Variants in ZNF331 observed in about 807,000 individuals in gnomAD.
ZNF331 encodes zinc finger protein 331, also known as C2H2-like zinc finger protein rearranged in thyroid adenomas.
ZNF331 carries 2 observed loss-of-function variants against 7.0 expected under a neutral mutation model. The ratio of observed to expected loss-of-function variants is 0.29; its 90% CI spans 0.12 to 0.90. The LOEUF (loss-of-function observed/expected upper bound fraction) is 0.90. ZNF331 is among the 40% of genes least tolerant of loss of function. The pLI is 0.58. For missense variants in ZNF331, 432 were observed against 587.7 expected (o/e 0.74, Z 2.74); for synonymous variants, 196 against 205.4 (o/e 0.95, Z 0.39).
chr19:53,522,154 GT>G (rs1555748428), intron 1 of ZNF331: 1 of 151,970 alleles, frequency 6.6e-6, no homozygotes, highest in Non-Finnish European at 1.5e-5. Context: ...AGTTCCTAGA[GT>G]TTTCCAGCAT....
chr19:53,578,004 A>G lies in ZNF331; in HGVS notation c.*52A>G, dbSNP rs1391851367. ...TCGTATCTATGGTTTCGCTTTCCAC[A>G]GTTTGTTACCTGCAGTCAACTGCAG... is the stretch of plus-strand genomic sequence containing the variant. On this transcript the variant is annotated 3_prime_UTR_variant, in exon 6 of 6. Transcript: ENST00000449416. 5 of 1,541,092 alleles carry G rather than the reference A, an allele frequency of 3.2e-6. No individual in the cohort carries two copies. Among genetic ancestry groups the G allele is most frequent in the Middle Eastern group, 1.8e-4 (1 of 5,714 alleles).
At chr19:53,551,839 A>G (rs575605773) in intron 2 of ZNF331, among the ~76,000 whole-genome samples, 7 of 152,216 alleles carry the variant, frequency 4.6e-5, no homozygotes, top group Non-Finnish European at 1.0e-4. Flanking sequence ...ATATGCAGAT[A>G]CTATACCACT....
intron 2 of ZNF331, among the ~76,000 whole-genome samples, chr19:53,532,366 C>A (rs2087575503): frequency 6.6e-6 from 1 of 152,142 alleles, no homozygotes; most frequent in Admixed American, 6.5e-5. Flanking sequence ...GCTTATTTCA[C>A]TTAATATGAT....
At chr19:53,559,749 C>T (rs956084418) in intron 3 of ZNF331, among the ~76,000 whole-genome samples, 7 of 146,570 alleles carry the variant, frequency 4.8e-5, no homozygotes, top group Non-Finnish European at 7.4e-5. Context: ...ATACACCATA[C>T]GCACATGCAC....
Position 53,571,571 on chromosome 19 carries a change from AT to A in ZNF331, c.10-30del. ...CTTCATCTGGAAGCTGTTTCCTTTCATTTCATCATGCACGTGTGGGTTTCTG... is the reference window on the plus strand; with the variant it reads ...CTTCATCTGGAAGCTGTTTCCTTTCATTCATCATGCACGTGTGGGTTTCTG... On this transcript the variant is annotated intron_variant, in intron 4 of 5. Coordinates refer to ENST00000449416, the MANE Select transcript of ZNF331 (RefSeq NM_001079906.2). The surrounding 1 kb of genome is among the most constrained non-coding windows in gnomAD (Gnocchi z 4.7). The A allele has an allele frequency of 6.2e-7, 1 of 1,608,198 alleles. No homozygotes were observed. Among genetic ancestry groups the A allele is most frequent in the Non-Finnish European group, 8.5e-7 (1 of 1,177,372 alleles).
At chr19:53,506,260 G>A in the ZNF331 span, among the ~76,000 whole-genome samples, 4 of 126,450 alleles carry the variant, frequency 3.2e-5, no homozygotes, top group East Asian at 8.3e-4. Context: ...GCGTGAACCC[G>A]GGAGGCGGAG....
At chr19:53,547,920 TTTTG>T (rs1294945205) in intron 2 of ZNF331, among the ~76,000 whole-genome samples, 2 of 151,932 alleles carry the variant, frequency 1.3e-5, no homozygotes, top group Admixed American at 6.6e-5. Context: ...GTTTTGTCAT[TTTTG>T]TTTGTTTTTT....
At chr19:53,503,595 C>G in the ZNF331 span, 1 of 720,088 alleles carries the variant, frequency 1.4e-6, no homozygotes. Context: ...ACAATGGCAG[C>G]TTTTGGGTTT....
At chr19:53,523,678 T>G (rs2569572) in intron 2 of ZNF331, among the ~76,000 whole-genome samples, 53,534 of 151,878 alleles carry the variant, frequency 0.35, 10,318 homozygotes, top group African/African-American at 0.52. Context: ...CTGCTGTGCA[T>G]AAGTTTTTTA....
chr19:53,550,962 A>C (rs2088967686), intron 2 of ZNF331, among the ~76,000 whole-genome samples: 1 of 148,696 alleles, frequency 6.7e-6, no homozygotes, highest in South Asian at 2.1e-4. Flanking sequence ...CTCCTACCTC[A>C]GCCTCCTGAG....
Position 53,569,385 on chromosome 19 carries a change from G to A in ZNF331, c.9G>A (p.Gln3=). 2 of 1,613,890 alleles carry A rather than the reference G, an allele frequency of 1.2e-6. No individual in the cohort carries two copies. Among genetic ancestry groups the A allele is most frequent in the Non-Finnish European group, 1.7e-6 (2 of 1,179,924 alleles). Residue 3 remains glutamine (Q), a splice_region_variant and synonymous_variant, in exon 4 of 6, where the codon CAG becomes CAA. Coordinates refer to ENST00000449416, the MANE Select transcript of ZNF331 (RefSeq NM_001079906.2). MA[Q]GLVTFADVAI... ...TCTTCAGTTCTAAAACAATGGCCCA[G>A]GTAAGTGTATATTTCTCTTTCCTTC...
chr19:53,567,631 G>C (rs1041718837), intron 3 of ZNF331, among the ~76,000 whole-genome samples: 1 of 152,008 alleles, frequency 6.6e-6, no homozygotes, highest in Non-Finnish European at 1.5e-5. Flanking sequence ...AAGCTCACTT[G>C]AGGCCAGGAG....
chr19:53,526,021 C>G (rs2087280930), intron 2 of ZNF331, among the ~76,000 whole-genome samples: 1 of 152,124 alleles, frequency 6.6e-6, no homozygotes, highest in Admixed American at 6.5e-5. Context: ...TTTTCTGGAT[C>G]TATTGTGATG....
chr19:53,512,304 A>G, the ZNF331 span: 1 of 153,330 alleles, frequency 6.5e-6, no homozygotes, highest in Admixed American at 6.5e-5. Context: ...ACCATGGTGC[A>G]CAGAGGCCCC....
upstream of ZNF331, among the ~76,000 whole-genome samples, chr19:53,519,510 C>CT (rs879456578): frequency 1.3e-5 from 2 of 152,236 alleles, no homozygotes; most frequent in Non-Finnish European, 2.9e-5. Context: ...CCTATCATAT[C>CT]TTTCTTGGCA....
intron 2 of ZNF331, among the ~76,000 whole-genome samples, chr19:53,549,463 T>A (rs2088842658): frequency 6.6e-6 from 1 of 151,862 alleles, no homozygotes; most frequent in African/African-American, 2.4e-5. Context: ...TTTTTAAGGG[T>A]TTTAAAGTGT....
chr19:53,526,373 A>C (rs1318532294), intron 2 of ZNF331, among the ~76,000 whole-genome samples: 1 of 152,146 alleles, frequency 6.6e-6, no homozygotes, highest in East Asian at 1.9e-4. Context: ...GGTAGAATTC[A>C]GCAGTGAGGG....
rs935869124 is a variant in ZNF331, at chr19:53,578,079, A to C, written c.*127A>C. The C allele has an allele frequency of 3.3e-6, 4 of 1,212,944 alleles. No individual in the cohort carries two copies. In the Admixed American group the frequency reaches 1.1e-4, roughly 34 times the overall value. The allele number at this position is 1,212,944 out of a possible 1,614,324, so 75.1% of individuals were successfully genotyped here. A position where few individuals can be genotyped will look rare whatever the true frequency, so the allele number is the denominator to read the frequency against. ...CCAGAAATAAAGAATTTTAAGTCTC[A>C]AATGGTGTGCCCTTCTGAGTAGCGT... On this transcript the variant is annotated 3_prime_UTR_variant, in exon 6 of 6. Coordinates refer to ENST00000449416, the MANE Select transcript of ZNF331 (RefSeq NM_001079906.2).
chr19:53,537,705 C>T (rs1317683414), upstream of ZNF331: 2 of 152,274 alleles, frequency 1.3e-5, no homozygotes, highest in Non-Finnish European at 2.9e-5. Context: ...GGCCCCGCGT[C>T]CTCTTCTAGC....
Sources: gnomAD v4.1 joint callset for allele counts (sites outside exome capture counted in the v4.1 genomes callset) on GRCh38, gnomAD v4.1.1 for gene constraint, Gnocchi (gnomAD v3.1) non-coding constraint, MANE v1.5 for transcripts, NCBI Gene and HGNC (gene_info 2026-07-23, HGNC 2026-07-21) for gene names.